The following EFNA5 variants were observed in gnomAD, a reference collection of about 807,000 sequenced individuals.
EFNA5 encodes ephrin-A5.
A neutral mutation model predicts 22.9 loss-of-function variants in EFNA5; 5 were observed. The ratio of observed to expected loss-of-function variants is 0.22; its 90% confidence interval spans 0.11 to 0.46. The LOEUF (loss-of-function observed/expected upper bound fraction) is 0.46. EFNA5 is among the 20% of genes least tolerant of loss of function. The probability of loss-of-function intolerance (pLI) is 0.99; values close to 1 mark genes in which losing one functional copy is unlikely to be tolerated. For synonymous variants in EFNA5, 113 were observed against 112.2 expected (o/e 1.01, Z -0.04); for missense variants, 237 against 293.3 (o/e 0.81, Z 1.40).
intron 1 of EFNA5, among the ~76,000 whole-genome samples, chr5:107,468,694 T>C (rs946673706): frequency 2.6e-5 from 4 of 152,184 alleles, no homozygotes; most frequent in African/African-American, 4.8e-5. Context: ...GTTGAAAGCT[T>C]ACATTAAAAC....
At chr5:107,493,918 TTGTTAG>T (rs1191077856) in intron 1 of EFNA5, among the ~76,000 whole-genome samples, 15 of 152,212 alleles carry the variant, frequency 9.9e-5, no homozygotes, top group African/African-American at 3.6e-4. Context: ...TGTACACTGC[TTGTTAG>T]TGTTAGTGTG....
At chr5:107,452,134 T>C (rs1287448732) in intron 1 of EFNA5, among the ~76,000 whole-genome samples, 3 of 152,054 alleles carry the variant, frequency 2.0e-5, no homozygotes, top group African/African-American at 7.2e-5. Context: ...ACAGCACATA[T>C]TCTCACTCAT....
intron 1 of EFNA5, among the ~76,000 whole-genome samples, chr5:107,429,287 AC>A (rs1201762949): frequency 6.6e-6 from 1 of 152,186 alleles, no homozygotes; most frequent in Non-Finnish European, 1.5e-5. Context: ...TACTAAAAAT[AC>A]AAAAAATATT....
chr5:107,667,393 T>C (rs1751100045), intron 1 of EFNA5, among the ~76,000 whole-genome samples: 1 of 148,738 alleles, frequency 6.7e-6, no homozygotes. Flanking sequence ...AAATTTAATA[T>C]TTTTTCCCGT....
At chr5:107,554,625 G>A (rs1436054112) in intron 1 of EFNA5, among the ~76,000 whole-genome samples, 1 of 152,080 alleles carries the variant, frequency 6.6e-6, no homozygotes, top group African/African-American at 2.4e-5. Context: ...CTAATTGATA[G>A]GCAAAGAGAA....
intron 1 of EFNA5, among the ~76,000 whole-genome samples, chr5:107,624,492 G>GT (rs1016879332): frequency 6.6e-6 from 1 of 152,066 alleles, no homozygotes; most frequent in Non-Finnish European, 1.5e-5. Context: ...CTAAAAGATT[G>GT]TTTTTTTCCT....
chr5:107,588,325 C>G (rs1486464552), intron 1 of EFNA5, among the ~76,000 whole-genome samples: 2 of 151,846 alleles, frequency 1.3e-5, no homozygotes, highest in Non-Finnish European at 2.9e-5. Context: ...TTCTAGTCAC[C>G]CCAATTGTAT....
chr5:107,638,851 A>C (rs1026560672), intron 1 of EFNA5, among the ~76,000 whole-genome samples: 3 of 152,084 alleles, frequency 2.0e-5, no homozygotes, highest in Admixed American at 6.6e-5. Context: ...TACACACACA[A>C]AAAAATAAGT....
intron 1 of EFNA5, among the ~76,000 whole-genome samples, chr5:107,534,239 G>A (rs1469518928): frequency 6.6e-6 from 1 of 152,152 alleles, no homozygotes; most frequent in Non-Finnish European, 1.5e-5. Flanking sequence ...ACCGTAAATA[G>A]AGTTTGAGGA....
intron 1 of EFNA5, among the ~76,000 whole-genome samples, chr5:107,626,195 G>A (rs1180597799): frequency 6.6e-6 from 1 of 152,172 alleles, no homozygotes; most frequent in Non-Finnish European, 1.5e-5. Flanking sequence ...AATAACTTTA[G>A]TAAATGCAGA....
chr5:107,540,306 G>A (rs1251705794), intron 1 of EFNA5, among the ~76,000 whole-genome samples: 1 of 152,172 alleles, frequency 6.6e-6, no homozygotes, highest in Non-Finnish European at 1.5e-5. Context: ...AAACCAGATT[G>A]AGAATGCATG....
intron 2 of EFNA5, among the ~76,000 whole-genome samples, chr5:107,413,738 G>T (rs1212582017): frequency 2.0e-5 from 3 of 151,998 alleles, no homozygotes; most frequent in African/African-American, 7.3e-5. Flanking sequence ...ACCCTAAAGG[G>T]TTCTATGGTT....
chr5:107,642,152 A>T (rs1169133807), intron 1 of EFNA5, among the ~76,000 whole-genome samples: 1 of 152,156 alleles, frequency 6.6e-6, no homozygotes, highest in East Asian at 1.9e-4. Context: ...ACTTAATGAG[A>T]CATTTCACTT....
intron 1 of EFNA5, among the ~76,000 whole-genome samples, chr5:107,608,050 G>A (rs1010149242): frequency 2.1e-4 from 32 of 152,244 alleles, no homozygotes; most frequent in Non-Finnish European, 1.2e-4. Context: ...GTTCAGCAAC[G>A]TCAAAACGAA....
intron 1 of EFNA5, among the ~76,000 whole-genome samples, chr5:107,564,350 A>T (rs749490737): frequency 6.6e-6 from 1 of 152,194 alleles, no homozygotes; most frequent in Non-Finnish European, 1.5e-5. Flanking sequence ...TCTCCTAAGA[A>T]ATCCTTCCTG....
intron 1 of EFNA5, among the ~76,000 whole-genome samples, chr5:107,639,923 T>C (rs1750467976): frequency 6.6e-6 from 1 of 152,132 alleles, no homozygotes; most frequent in Non-Finnish European, 1.5e-5. Flanking sequence ...TACTAAAATA[T>C]AAGAAAAGCT....
chr5:107,446,570 C>T (rs153133), intron 1 of EFNA5, among the ~76,000 whole-genome samples: 35,116 of 151,602 alleles, frequency 0.23, 4,492 homozygotes, highest in South Asian at 0.38. Context: ...CTGGCTAACA[C>T]GGTGAATCCC....
At chr5:107,522,038 T>C (rs1307563763) in intron 1 of EFNA5, among the ~76,000 whole-genome samples, 3 of 152,178 alleles carry the variant, frequency 2.0e-5, no homozygotes, top group Non-Finnish European at 4.4e-5. Context: ...ATCATCCTCA[T>C]GCACCTAACA....
chr5:107,414,855 T>C lies in EFNA5; in HGVS notation c.418+12362A>G, dbSNP rs146107951. Among the ~76,000 whole-genome samples, 591 of 152,056 alleles carry C rather than the reference T, an allele frequency of 3.9e-3. 3 individuals carry two copies. Among genetic ancestry groups the C allele is most frequent in the Middle Eastern group, 0.017 (5 of 294 alleles). ...ACTCATGCAAAAATCTCTATACCTA[T>C]TGCAAAGGAACTAAAGGCAATTAAA... On this transcript the variant is annotated intron_variant, in intron 2 of 4. Coordinates refer to ENST00000333274, the MANE Select transcript of EFNA5 (RefSeq NM_001962.3).
Sources: allele counts gnomAD v4.1 joint callset (sites outside exome capture counted in the v4.1 genomes callset), GRCh38; gene constraint gnomAD v4.1.1; transcripts MANE v1.5; gene names NCBI Gene and HGNC (gene_info 2026-07-23, HGNC 2026-07-21).